Variants in SCOC observed in about 807,000 individuals in gnomAD.
The protein encoded by SCOC is short coiled coil protein.
A neutral mutation model predicts 9.9 loss-of-function variants in SCOC; 7 were observed. That is an observed-to-expected ratio of 0.71 (90% CI 0.40 to 1.33). The LOEUF (loss-of-function observed/expected upper bound fraction) is 1.33, where lower values mean the gene tolerates loss of function less well. SCOC is among the 40% of genes most tolerant of loss of function. The pLI is 0.01. For synonymous variants in SCOC, 19 were observed against 28.2 expected (o/e 0.67, Z 1.03); for missense variants, 66 against 89.7 (o/e 0.74, Z 1.07).
chr4:140,355,226 T>TGATATATATATATATATATATATATG (rs9308116), intron 2 of SCOC, among the ~76,000 whole-genome samples: 7 of 122,108 alleles, frequency 5.7e-5, no homozygotes, highest in Admixed American at 8.0e-5. Flanking sequence ...TATATATATA[T>TGATATATATATATATATATATATATG]ATATATATAT....
At chr4:140,279,833 A>G (rs1206155265) in intron 1 of SCOC, among the ~76,000 whole-genome samples, 1 of 152,174 alleles carries the variant, frequency 6.6e-6, no homozygotes, top group East Asian at 1.9e-4. Flanking sequence ...ATTCCAGGGT[A>G]GGTGTATTGG....
intron 1 of SCOC, among the ~76,000 whole-genome samples, chr4:140,264,868 G>A (rs1363322864): frequency 6.6e-6 from 1 of 152,204 alleles, no homozygotes; most frequent in Non-Finnish European, 1.5e-5. Flanking sequence ...GCTGTCAGGA[G>A]TGGTTCCCCA....
At chr4:140,368,449 T>C (rs1727897295) in intron 2 of SCOC, among the ~76,000 whole-genome samples, 1 of 152,158 alleles carries the variant, frequency 6.6e-6, no homozygotes, top group Admixed American at 6.5e-5. Flanking sequence ...AAATACCAAT[T>C]CTGGGGGAAA....
upstream of SCOC, among the ~76,000 whole-genome samples, chr4:140,338,747 A>G (rs566276891): frequency 0.021 from 3,131 of 150,448 alleles, 110 homozygotes; most frequent in African/African-American, 0.073. Context: ...TACAAGGGAT[A>G]TGAAGGACCT....
At chr4:140,261,168 A>G (rs1375212065) in intron 1 of SCOC, among the ~76,000 whole-genome samples, 1 of 152,220 alleles carries the variant, frequency 6.6e-6, no homozygotes, top group Non-Finnish European at 1.5e-5. Context: ...CCTTTCATCC[A>G]AAGTTTGTAG....
upstream of SCOC, among the ~76,000 whole-genome samples, chr4:140,340,704 C>G (rs1726479528): frequency 6.7e-6 from 1 of 149,678 alleles, no homozygotes; most frequent in African/African-American, 2.5e-5. Flanking sequence ...AGATAATTCT[C>G]TACCTCAGTT....
At position 140,381,164 on chromosome 4, in the gene SCOC, G is replaced by T; in HGVS notation, c.*60G>T. 6.6e-7 allele frequency: 1 copy of T among 1,506,106 alleles called. No individual in the cohort carries two copies. The highest frequency in any genetic ancestry group is 8.9e-7 in the Non-Finnish European group (1 of 1,124,444). The allele number at this position is 1,506,106 out of a possible 1,614,324, so 93.3% of individuals were successfully genotyped here. A position where few individuals can be genotyped will look rare whatever the true frequency, so the allele number is the denominator to read the frequency against. ...CTGATCATTTTTTCTTTAAAACTTG[G>T]ATAGATTCCAAAAGTTACAGTACCT... On this transcript the variant is annotated 3_prime_UTR_variant, in exon 4 of 4. Transcript: ENST00000608372.
intron 2 of SCOC, among the ~76,000 whole-genome samples, chr4:140,365,172 C>CA (rs3034544): frequency 0.64 from 91,147 of 141,504 alleles, 29,911 homozygotes; most frequent in East Asian, 0.72. Context: ...ATGGATATGG[C>CA]AAAAAAAAAA....
chr4:140,316,677 C>G (rs1181577710), intron 1 of SCOC, among the ~76,000 whole-genome samples: 1 of 152,042 alleles, frequency 6.6e-6, no homozygotes, highest in African/African-American at 2.4e-5. Context: ...CCCTGACCAC[C>G]CCACTGCACC....
chr4:140,352,915 A>C (rs1727042330), intron 2 of SCOC, among the ~76,000 whole-genome samples: 1 of 152,190 alleles, frequency 6.6e-6, no homozygotes, highest in African/African-American at 2.4e-5. Flanking sequence ...TCCAGAGGAG[A>C]TCCTGAAAAT....
At chr4:140,362,769 A>C (rs1306498682) in intron 2 of SCOC, 2 of 152,158 alleles carry the variant, frequency 1.3e-5, no homozygotes, top group Non-Finnish European at 2.9e-5. Context: ...TAAACTTTAG[A>C]TATCCAACCA....
At chr4:140,368,344 C>T (rs1277653133) in intron 2 of SCOC, among the ~76,000 whole-genome samples, 2 of 152,084 alleles carry the variant, frequency 1.3e-5, no homozygotes, top group Non-Finnish European at 2.9e-5. Flanking sequence ...ATGTTAACAT[C>T]TGTGAATTGA....
upstream of SCOC, among the ~76,000 whole-genome samples, chr4:140,342,029 C>G (rs776057232): frequency 6.6e-6 from 1 of 152,192 alleles, no homozygotes; most frequent in Non-Finnish European, 1.5e-5. Flanking sequence ...CCTATTTTAT[C>G]TCATCTTTTT....
At chr4:140,293,655 C>T (rs1354246696) in intron 1 of SCOC, among the ~76,000 whole-genome samples, 1 of 152,238 alleles carries the variant, frequency 6.6e-6, no homozygotes, top group African/African-American at 2.4e-5. Flanking sequence ...GTCCAGTACA[C>T]CTACCATTCC....
At chr4:140,345,231 A>T (rs974012698) in intron 2 of SCOC, among the ~76,000 whole-genome samples, 1 of 148,680 alleles carries the variant, frequency 6.7e-6, no homozygotes, top group Non-Finnish European at 1.5e-5. Context: ...GCCGGCAACC[A>T]CACGAGAGGA....
At chr4:140,316,204 A>T (rs1422000710) in intron 1 of SCOC, among the ~76,000 whole-genome samples, 1 of 151,876 alleles carries the variant, frequency 6.6e-6, no homozygotes, top group Non-Finnish European at 1.5e-5. Context: ...TCAATTGTTC[A>T]CTCTGGGGAC....
chr4:140,304,604 G>A (rs1731910505), intron 1 of SCOC, among the ~76,000 whole-genome samples: 1 of 152,136 alleles, frequency 6.6e-6, no homozygotes, highest in African/African-American at 2.4e-5. Context: ...ATTACTTGCA[G>A]GCAGCCCATA....
At chr4:140,261,290 G>C (rs561807085) in intron 1 of SCOC, among the ~76,000 whole-genome samples, 13 of 152,166 alleles carry the variant, frequency 8.5e-5, no homozygotes, top group Non-Finnish European at 1.6e-4. Context: ...TCCTGACTCT[G>C]TGCCTTTAGG....
At chr4:140,266,254 A>C (rs1730726976) in intron 1 of SCOC, among the ~76,000 whole-genome samples, 1 of 152,150 alleles carries the variant, frequency 6.6e-6, no homozygotes, top group Non-Finnish European at 1.5e-5. Context: ...GCAAGTAGAG[A>C]CAGCTTTCTT....
Sources: gnomAD v4.1 joint callset for allele counts (sites outside exome capture counted in the v4.1 genomes callset) on GRCh38, gnomAD v4.1.1 for gene constraint, MANE v1.5 for transcripts, NCBI Gene and HGNC (gene_info 2026-07-23, HGNC 2026-07-21) for gene names.